AKT3: variants seen among roughly 807,000 people sequenced by gnomAD.
The protein encoded by AKT3 is AKT serine/threonine kinase 3.
AKT3 carries 15 observed loss-of-function variants against 65.3 expected under a neutral mutation model. The ratio of observed to expected loss-of-function variants is 0.23; its 90% CI spans 0.15 to 0.35. The LOEUF is 0.35. Ranked by LOEUF, AKT3 falls within the 10% of genes least tolerant of loss-of-function variation. The pLI, the probability that AKT3 is intolerant of heterozygous loss-of-function variation, is 1.00. For synonymous variants in AKT3, 206 were observed against 183.8 expected (o/e 1.12, Z -0.98); for missense variants, 243 against 576.5 (o/e 0.42, Z 5.92).
At chr1:243,569,363 A>C (rs1188174355) in intron 9 of AKT3, among the ~76,000 whole-genome samples, 1 of 152,214 alleles carries the variant, frequency 6.6e-6, no homozygotes, top group African/African-American at 2.4e-5. Flanking sequence ...ATACCAGTAC[A>C]ATTTTATTTT....
rs150573714 is a variant in AKT3, at chr1:243,505,291, C to T, written c.1398G>A (p.Pro466=). 110 of 1,613,962 alleles carry T rather than the reference C, an allele frequency of 6.8e-5. No homozygotes were observed. Among genetic ancestry groups the T allele is most frequent in the Middle Eastern group, 1.6e-4 (1 of 6,084 alleles). ...GMDCMDNERR[P]HFPQFSYSAS... is the part of the protein sequence containing the mutation. ...CAGAGTAGGAAAATTGAGGGAAATG[C>T]GGCCGCCTCTCATTGTCCATGCAGT... The change falls in exon 14 of 14, where the codon CCG becomes CCA. Residue 466 remains proline, a synonymous_variant. Transcript: ENST00000673466.
intron 2 of AKT3, among the ~76,000 whole-genome samples, chr1:243,815,776 A>AGTTGTTGTTGTTGTTGTTGTTGTT (rs145906932): frequency 0.016 from 2,404 of 147,248 alleles, 35 homozygotes; most frequent in East Asian, 0.029. Context: ...ACACCCAGCT[A>AGTTGTTGTTGTTGTTGTTGTTGTT]GTTGTTGTTG....
At chr1:243,537,286 C>T (rs1230009962) in intron 12 of AKT3, among the ~76,000 whole-genome samples, 2 of 152,086 alleles carry the variant, frequency 1.3e-5, no homozygotes, top group African/African-American at 4.8e-5. Context: ...GCCCTCTCCT[C>T]CTTAATCATT....
intron 11 of AKT3, among the ~76,000 whole-genome samples, chr1:243,551,120 A>G (rs1025672947): frequency 5.3e-5 from 8 of 152,178 alleles, no homozygotes; most frequent in Non-Finnish European, 1.0e-4. Flanking sequence ...AATAAGATAC[A>G]TAAGAAATAC....
intron 12 of AKT3, among the ~76,000 whole-genome samples, chr1:243,539,388 C>A (rs769383614): frequency 1.9e-3 from 282 of 152,150 alleles, no homozygotes; most frequent in Non-Finnish European, 2.0e-3. Flanking sequence ...GTATATAATA[C>A]AAATAACATA....
chr1:243,509,382 T>G (rs865975099), intron 13 of AKT3, among the ~76,000 whole-genome samples: 1 of 152,212 alleles, frequency 6.6e-6, no homozygotes, highest in South Asian at 2.1e-4. Flanking sequence ...TCAGGACAAG[T>G]GCCCCGCGGG....
chr1:243,846,044 C>T (rs1328808919), intron 1 of AKT3, among the ~76,000 whole-genome samples: 8 of 152,118 alleles, frequency 5.3e-5, no homozygotes, highest in Admixed American at 3.9e-4. Flanking sequence ...TTAAAATCTA[C>T]GGAGTATCTA....
chr1:243,563,406 A>G (rs978969766), intron 10 of AKT3, among the ~76,000 whole-genome samples: 26 of 152,326 alleles, frequency 1.7e-4, no homozygotes, highest in Non-Finnish European at 3.7e-4. Context: ...ACTCTTGCTG[A>G]AATCAATTAT....
At chr1:243,491,216 G>A (rs993230183) in intron 13 of AKT3, among the ~76,000 whole-genome samples, 9 of 152,154 alleles carry the variant, frequency 5.9e-5, no homozygotes, top group Non-Finnish European at 1.3e-4. Context: ...TTCTTCCAGG[G>A]CTTTAAAAAT....
At position 243,674,314 on chromosome 1, in the gene AKT3, T is replaced by A. The variant is rs191519900; in HGVS notation, c.173-9431A>T. On this transcript the variant is annotated intron_variant, in intron 3 of 13. Transcript: ENST00000673466. ...CACATGAGAGAAACTTAGTTTATAA[T>A]GAAGAGATGACACTGTCACCACCGT... 2.0e-4 allele frequency among the ~76,000 whole-genome samples: 31 copies of A among 152,104 alleles called. No individual in the cohort carries two copies. The South Asian group carries it at 6.4e-3, about 32-fold the overall frequency.
At chr1:243,544,610 T>G (rs1157861359) in intron 12 of AKT3, among the ~76,000 whole-genome samples, 1 of 151,876 alleles carries the variant, frequency 6.6e-6, no homozygotes, top group Admixed American at 6.6e-5. Flanking sequence ...AACAGAGACC[T>G]TGCCTCAAAA....
At chr1:243,716,148 C>A (rs1470134522) in intron 2 of AKT3, among the ~76,000 whole-genome samples, 2 of 152,042 alleles carry the variant, frequency 1.3e-5, no homozygotes, top group African/African-American at 4.8e-5. Flanking sequence ...AAGAATTCTT[C>A]TTCATATAAT....
intron 13 of AKT3, among the ~76,000 whole-genome samples, chr1:243,506,599 A>T (rs929337324): frequency 3.9e-5 from 6 of 152,366 alleles, no homozygotes; most frequent in African/African-American, 1.4e-4. Context: ...CTTAATGCAG[A>T]AGATTCTAGA....
chr1:243,841,294 G>A (rs898914505), intron 2 of AKT3, among the ~76,000 whole-genome samples: 4 of 152,018 alleles, frequency 2.6e-5, no homozygotes, highest in Admixed American at 6.5e-5. Flanking sequence ...TGTGGAGATA[G>A]CAACAGCTTA....
chr1:243,503,130 G>C lies in AKT3; in HGVS notation c.*2119C>G, dbSNP rs954174200. 2.6e-5 allele frequency: 6 copies of C among 233,458 alleles called. No individual in the cohort carries two copies. In the East Asian group the frequency reaches 3.0e-4, roughly 12 times the overall value. 14.5% of individuals were successfully genotyped at this position (233,458 alleles called of 1,614,324 possible). On this transcript the variant is annotated 3_prime_UTR_variant, in exon 14 of 14. Coordinates refer to ENST00000673466, the MANE Select transcript of AKT3 (RefSeq NM_005465.7). ...AAAAAAAGATTAGCTATGTGTGTAA[G>C]TAAGAATGAACTACCATTTACTGTA... is the stretch of plus-strand genomic sequence containing the variant.
At chr1:243,559,804 A>G (rs1673646088) in intron 10 of AKT3, among the ~76,000 whole-genome samples, 1 of 152,164 alleles carries the variant, frequency 6.6e-6, no homozygotes, top group South Asian at 2.1e-4. Flanking sequence ...AGCAGTAGTC[A>G]AGAATGTATT....
At chr1:243,695,566 G>T in intron 3 of AKT3, 25 bp downstream of exon 3, 2 of 1,549,664 alleles carry the variant, frequency 1.3e-6, no homozygotes, top group Admixed American at 1.8e-5. Flanking sequence ...AATACAAGAT[G>T]AATCAACAAT....
intron 4 of AKT3, among the ~76,000 whole-genome samples, chr1:243,655,898 T>A (rs562455313): frequency 6.6e-6 from 1 of 152,260 alleles, no homozygotes; most frequent in African/African-American, 2.4e-5. Flanking sequence ...AGGTTCACTG[T>A]CTGGGTTTCT....
downstream of AKT3, among the ~76,000 whole-genome samples, chr1:243,497,872 A>G (rs1292352225): frequency 2.0e-5 from 3 of 152,038 alleles, no homozygotes; most frequent in African/African-American, 4.8e-5. Flanking sequence ...TGTAGAGATG[A>G]GGTCTCACTA....
Sources: allele counts gnomAD v4.1 joint callset (sites outside exome capture counted in the v4.1 genomes callset), GRCh38; gene constraint gnomAD v4.1.1; transcripts MANE v1.5; gene names NCBI Gene and HGNC (gene_info 2026-07-23, HGNC 2026-07-21).